The following OMA1 variants were observed in gnomAD, a reference collection of about 807,000 sequenced individuals.
OMA1 encodes the protein OMA1 zinc metallopeptidase, also known as metalloendopeptidase OMA1, mitochondrial.
A neutral mutation model predicts 30.9 loss-of-function variants in OMA1; 38 were observed. The observed-to-expected ratio is 1.23, with a 90% CI of 0.95 to 1.61. OMA1 has a LOEUF of 1.61. OMA1 is among the 40% of genes most tolerant of loss of function. The pLI, the probability that OMA1 is intolerant of heterozygous loss-of-function variation, is 0.00. For missense variants in OMA1, 461 were observed against 349.2 expected (o/e 1.32, Z -2.55); for synonymous variants, 173 against 121.9 (o/e 1.42, Z -2.76).
At chr1:58,492,374 C>T (rs1645711811) in intron 8 of OMA1, among the ~76,000 whole-genome samples, 1 of 152,056 alleles carries the variant, frequency 6.6e-6, no homozygotes, top group South Asian at 2.1e-4. Flanking sequence ...CAAGAGCAAA[C>T]ACATTCAAAA....
intron 7 of OMA1, among the ~76,000 whole-genome samples, chr1:58,508,751 C>T (rs1003352939): frequency 1.8e-4 from 28 of 152,050 alleles, no homozygotes; most frequent in Admixed American, 3.9e-4. Flanking sequence ...GAAGTTTGAA[C>T]AAGCACACAA....
intron 7 of OMA1, among the ~76,000 whole-genome samples, chr1:58,514,958 CA>C (rs938865659): frequency 2.6e-5 from 4 of 152,192 alleles, no homozygotes; most frequent in African/African-American, 9.6e-5. Context: ...TTATGAAGAT[CA>C]AAAGAATAAA....
intron 8 of OMA1, among the ~76,000 whole-genome samples, chr1:58,483,468 G>A (rs1242595900): frequency 6.6e-6 from 1 of 152,198 alleles, no homozygotes; most frequent in Non-Finnish European, 1.5e-5. Flanking sequence ...TAGGCTCTGA[G>A]TTACCAAGGT....
intron 7 of OMA1, among the ~76,000 whole-genome samples, chr1:58,518,994 A>G (rs1210354794): frequency 6.6e-6 from 1 of 152,210 alleles, no homozygotes; most frequent in Non-Finnish European, 1.5e-5. Context: ...CAGATTCTCA[A>G]ACTTGGCAGT....
At chr1:58,527,212 T>C (rs1646365721) in intron 7 of OMA1, 49 bp downstream of exon 7, 2 of 851,214 alleles carry the variant, frequency 2.3e-6, no homozygotes, top group South Asian at 1.3e-5. Context: ...CACGTTTATC[T>C]TTCAGCCTGG....
At position 58,538,929 on chromosome 1, in the gene OMA1, C is replaced by T. The variant is rs1646560722; in HGVS notation, c.366G>A (p.Leu122=). The T allele has an allele frequency of 1.1e-6, 1 of 872,838 alleles. No individual in the cohort carries two copies. Among genetic ancestry groups the T allele is most frequent in the South Asian group, 1.3e-5 (1 of 76,540 alleles). 54.1% of individuals were successfully genotyped at this position (872,838 alleles called of 1,614,324 possible). A position where few individuals can be genotyped will look rare whatever the true frequency, so the allele number is the denominator to read the frequency against. Residue 122 remains leucine, a synonymous_variant, in exon 2 of 9, where the codon TTG becomes TTA. Coordinates refer to ENST00000371226, the MANE Select transcript of OMA1 (RefSeq NM_145243.5). ...EVTAVPSLSV[L]HPLSPASIRA... ...TTATGGAAGCAGGGCTTAGAGGATG[C>T]AATACTGACAGACTAGGGACTGCTG... is the stretch of plus-strand genomic sequence containing the variant.
intron 7 of OMA1, among the ~76,000 whole-genome samples, chr1:58,518,252 GGGAGAGGGGAGAGGAGAGAGGAGAGGAGA>G (rs1306189984): frequency 7.6e-5 from 2 of 26,430 alleles, no homozygotes; most frequent in African/African-American, 2.1e-4. Context: ...GAGGGGAGAG[GGGAGAGGGGAGAGGAGAGAGGAGAGGAGA>G]AGAGAAGAGA....
At chr1:58,482,490 A>G (rs1645504627) in intron 8 of OMA1, among the ~76,000 whole-genome samples, 1 of 152,174 alleles carries the variant, frequency 6.6e-6, no homozygotes, top group African/African-American at 2.4e-5. Context: ...AATGGTCTTA[A>G]TATTTAGGAG....
intron 3 of OMA1, 45 bp downstream of exon 3, chr1:58,536,468 G>C: frequency 1.3e-6 from 1 of 784,272 alleles, no homozygotes; most frequent in East Asian, 2.4e-5. Flanking sequence ...CCTACTTTGA[G>C]TGTTATATTA....
rs1327889363 is a variant in OMA1, at chr1:58,542,441, C to A, written c.-16-3131G>T. ...GAGACAAAACTGAACCTAAGTAAGA[C>A]TATTAGGGGATAATAAAATTCAGTT... is the stretch of plus-strand genomic sequence containing the variant. On this transcript the variant is annotated intron_variant, in intron 1 of 8. Coordinates refer to ENST00000371226, the MANE Select transcript of OMA1 (RefSeq NM_145243.5). 6 of 152,050 alleles carry A rather than the reference C, an allele frequency of 3.9e-5. No individual in the cohort carries two copies. The East Asian group carries it at 1.2e-3, about 29-fold the overall frequency. 9.4% of individuals were successfully genotyped at this position (152,050 alleles called of 1,614,324 possible).
At chr1:58,530,786 T>TA in intron 5 of OMA1, 57 bp from the exon 6 acceptor site, 3 of 820,092 alleles carry the variant, frequency 3.7e-6, no homozygotes, top group Non-Finnish European at 6.4e-6. Context: ...AGTATATGCT[T>TA]ACATTTTCTA....
At chr1:58,541,409 T>C (rs567844828) in intron 1 of OMA1, 1 of 141,008 alleles carries the variant, frequency 7.1e-6, no homozygotes, top group Non-Finnish European at 1.5e-5. Context: ...AACTAATCCA[T>C]AGTGACAGAG....
chr1:58,517,600 T>A (rs1221740849), intron 7 of OMA1, among the ~76,000 whole-genome samples: 1 of 152,186 alleles, frequency 6.6e-6, no homozygotes, highest in Admixed American at 6.5e-5. Flanking sequence ...TATCTCCAAT[T>A]CATAATACTT....
chr1:58,543,287 C>T (rs540729681), intron 1 of OMA1, among the ~76,000 whole-genome samples: 1 of 152,242 alleles, frequency 6.6e-6, no homozygotes, highest in African/African-American at 2.4e-5. Context: ...TAATATTATA[C>T]ATGTTGTTTA....
At chr1:58,519,812 T>C (rs1646233081) in intron 7 of OMA1, among the ~76,000 whole-genome samples, 1 of 152,106 alleles carries the variant, frequency 6.6e-6, no homozygotes, top group Non-Finnish European at 1.5e-5. Flanking sequence ...ATGGAGAATT[T>C]CACCAGAGAA....
chr1:58,494,861 C>A (rs1487719167), intron 8 of OMA1, among the ~76,000 whole-genome samples: 1 of 152,234 alleles, frequency 6.6e-6, no homozygotes, highest in Admixed American at 6.5e-5. Context: ...GTCAGTGTGG[C>A]GATTCCTCAG....
At chr1:58,540,904 T>C (rs905808004) in intron 1 of OMA1, among the ~76,000 whole-genome samples, 3 of 151,564 alleles carry the variant, frequency 2.0e-5, no homozygotes, top group African/African-American at 7.3e-5. Flanking sequence ...TAACAAATCC[T>C]ACACAAAAGA....
intron 8 of OMA1, among the ~76,000 whole-genome samples, chr1:58,487,483 A>G (rs931858684): frequency 6.6e-6 from 1 of 152,234 alleles, no homozygotes; most frequent in African/African-American, 2.4e-5. Flanking sequence ...TTGTAAAATG[A>G]ATCAGAAACT....
At chr1:58,505,009 G>A (rs1200073805) in intron 8 of OMA1, among the ~76,000 whole-genome samples, 1 of 151,936 alleles carries the variant, frequency 6.6e-6, no homozygotes, top group Non-Finnish European at 1.5e-5. Flanking sequence ...CTAGAGTGCA[G>A]TGGCACGATC....
Sources: gnomAD v4.1 joint callset for allele counts (sites outside exome capture counted in the v4.1 genomes callset) on GRCh38, gnomAD v4.1.1 for gene constraint, MANE v1.5 for transcripts, NCBI Gene and HGNC (gene_info 2026-07-23, HGNC 2026-07-21) for gene names.